TP73: variants seen among roughly 807,000 people sequenced by gnomAD.
TP73 encodes tumor protein p73, also known as p53-like transcription factor.
Under a neutral mutation model 62.5 loss-of-function variants are expected in TP73, and 25 were observed. That is an observed-to-expected ratio of 0.40 (90% CI 0.29 to 0.56). TP73 has a LOEUF of 0.56. TP73 is among the 20% of genes least tolerant of loss of function. TP73 has a pLI of 0.46. For missense variants in TP73, 754 were observed against 913.3 expected (o/e 0.83, Z 2.25); for synonymous variants, 423 against 377.5 (o/e 1.12, Z -1.40).
intron 1 of TP73, among the ~76,000 whole-genome samples, chr1:3,664,300 C>A (rs202128256): frequency 6.6e-6 from 1 of 152,194 alleles, no homozygotes; most frequent in African/African-American, 2.4e-5. Flanking sequence ...TGCCCAGTAC[C>A]AGCTGGCAGG....
chr1:3,653,842 T>C (rs910762262), intron 1 of TP73, among the ~76,000 whole-genome samples: 3 of 152,228 alleles, frequency 2.0e-5, no homozygotes, highest in Non-Finnish European at 2.9e-5. Flanking sequence ...TTGCCATATA[T>C]GAATGTATGC....
Position 3,707,685 on chromosome 1 carries a change from C to T in TP73, c.323C>T (p.Thr108Ile). ...PYAQPSSTFD[T>I]MSPAPVIPSN... ...GCACAACCCAGCTCCACCTTCGACA[C>T]CATGTCGCCGGCGCCTGTCATCCCC... Residue 108 changes from threonine to isoleucine, a missense_variant, in exon 4 of 14, where the codon ACC becomes ATC. Thr to Ile is a moderately conservative substitution (Grantham distance 89). Coordinates refer to ENST00000378295, the MANE Select transcript of TP73 (RefSeq NM_005427.4). 6.2e-7 allele frequency: 1 copy of T among 1,613,268 alleles called. No homozygotes were observed. The highest frequency in any genetic ancestry group is 8.5e-7 in the Non-Finnish European group (1 of 1,179,962).
intron 1 of TP73, among the ~76,000 whole-genome samples, chr1:3,678,805 T>C (rs1017172292): frequency 1.9e-4 from 29 of 152,238 alleles, no homozygotes; most frequent in African/African-American, 6.3e-4. Flanking sequence ...AGCCCCACTG[T>C]GGGGAGGGGT....
At chr1:3,703,363 G>GC (rs1639372342) in intron 3 of TP73, among the ~76,000 whole-genome samples, 1 of 152,144 alleles carries the variant, frequency 6.6e-6, no homozygotes, top group Non-Finnish European at 1.5e-5. Flanking sequence ...AGAGGGAGAG[G>GC]CCGACATCGG....
rs562608385 is a variant in TP73, at chr1:3,666,875, C to CA, written c.-34+14242dup. ...TTCAATGAGGGACATTTATGGTTGG[C>CA]AAAAAAAAGTGGCTCCCCAAAGGTC... On this transcript the variant is annotated intron_variant, in intron 1 of 13. Coordinates refer to ENST00000378295, the MANE Select transcript of TP73 (RefSeq NM_005427.4). This position sits in a 1 kb window ranked among gnomAD's most constrained non-coding sequence, Gnocchi z 6.4. 5.4e-4 allele frequency among the ~76,000 whole-genome samples: 82 copies of CA among 151,826 alleles called. No homozygotes were observed. The highest frequency in any genetic ancestry group is 9.7e-4 in the Non-Finnish European group (66 of 67,886).
At position 3,733,187 on chromosome 1, in the gene TP73, G is replaced by A; in HGVS notation, c.*108G>A. ...TCAGGAGGCAGGACCTTCGGGCTGT[G>A]CCCGGGGAAAGGCAAGGTCCGGCCC... is the stretch of plus-strand genomic sequence containing the variant. On this transcript the variant is annotated 3_prime_UTR_variant, in exon 14 of 14. Transcript: ENST00000378295. 7.6e-7 allele frequency: 1 copy of A among 1,318,606 alleles called. No individual in the cohort carries two copies. Among genetic ancestry groups the A allele is most frequent in the East Asian group, 2.5e-5 (1 of 39,336 alleles). 81.7% of individuals were successfully genotyped at this position (1,318,606 alleles called of 1,614,324 possible).
chr1:3,671,810 G>T (rs919934889), intron 1 of TP73, among the ~76,000 whole-genome samples: 2 of 152,204 alleles, frequency 1.3e-5, no homozygotes, highest in African/African-American at 4.8e-5. Context: ...CCACTCTGAG[G>T]AACAGCAGTG....
intron 1 of TP73, among the ~76,000 whole-genome samples, chr1:3,671,530 G>A (rs934276617): frequency 5.3e-5 from 8 of 152,222 alleles, no homozygotes; most frequent in African/African-American, 1.7e-4. Flanking sequence ...AGGCTGGATC[G>A]TTGTCTGCCC....
intron 4 of TP73, among the ~76,000 whole-genome samples, chr1:3,710,188 G>T (rs1640011228): frequency 6.9e-6 from 1 of 144,008 alleles, no homozygotes; most frequent in South Asian, 2.4e-4. Flanking sequence ...TGGGCTCTGT[G>T]GATGCTGGGG....
rs1231153761 is a variant in TP73, at chr1:3,701,372, C to T, written c.187-6177C>T. On this transcript the variant is annotated intron_variant, in intron 3 of 13. Transcript: ENST00000378295. This position sits in a 1 kb window ranked among gnomAD's most constrained non-coding sequence, Gnocchi z 4.7. ...GTGCCAAGGCGTGGAGGTCATGCCTCGTGCATGGGAGCTTCCTGGACATTG... is the reference window on the plus strand; with the variant it reads ...GTGCCAAGGCGTGGAGGTCATGCCTTGTGCATGGGAGCTTCCTGGACATTG... 6.6e-6 allele frequency among the ~76,000 whole-genome samples: 1 copy of T among 152,184 alleles called. No homozygotes were observed. The highest frequency in any genetic ancestry group is 1.5e-5 in the Non-Finnish European group (1 of 68,032).
At chr1:3,674,188 G>T (rs530525763) in intron 1 of TP73, among the ~76,000 whole-genome samples, 193 of 152,308 alleles carry the variant, frequency 1.3e-3, no homozygotes, top group Non-Finnish European at 2.2e-3. Flanking sequence ...ACGGGGGGTC[G>T]GGCATTTTGG....
In TP73 at chr1:3,729,462, A is replaced by C; in HGVS notation, c.1196+14A>C. 2 of 1,612,506 alleles carry C rather than the reference A, an allele frequency of 1.2e-6. No individual in the cohort carries two copies. Among genetic ancestry groups the C allele is most frequent in the Non-Finnish European group, 1.7e-6 (2 of 1,179,940 alleles). On this transcript the variant is annotated intron_variant, in intron 10 of 13. Transcript: ENST00000378295. ...CCTACAGAGGCCGTGAGTCAGCCCT[A>C]GCCCACCATCAGTGTGGGGAAGGAG... is the stretch of plus-strand genomic sequence containing the variant.
chr1:3,679,632 CTCTCTG>C (rs1375188948), intron 1 of TP73, among the ~76,000 whole-genome samples: 3 of 150,778 alleles, frequency 2.0e-5, no homozygotes, highest in Non-Finnish European at 1.5e-5. Flanking sequence ...TTGTCCCTGT[CTCTCTG>C]TCTCTGTCTC....
intron 1 of TP73, among the ~76,000 whole-genome samples, chr1:3,657,887 C>T (rs1644899603): frequency 1.4e-5 from 2 of 145,848 alleles, no homozygotes; most frequent in African/African-American, 5.3e-5. Flanking sequence ...GGCCGCATAG[C>T]CCCCAGTTAG....
At position 3,718,647 on chromosome 1, in the gene TP73, G is replaced by A. The variant is rs539377205; in HGVS notation, c.430-3374G>A. 2.0e-5 allele frequency among the ~76,000 whole-genome samples: 3 copies of A among 152,288 alleles called. No homozygotes were observed. In the East Asian group the frequency reaches 5.8e-4, roughly 29 times the overall value. ...GGGCTGTCAGGGAGCGACGGCTGCCGGGGCCTCTGCCCGCAGGCTTGGTTG... is the reference window on the plus strand; with the variant it reads ...GGGCTGTCAGGGAGCGACGGCTGCCAGGGCCTCTGCCCGCAGGCTTGGTTG... On this transcript the variant is annotated intron_variant, in intron 4 of 13. Transcript: ENST00000378295.
chr1:3,732,722 C>A (rs1363131736), intron 13 of TP73, 25 bp from the exon 14 acceptor site: 2 of 1,546,368 alleles, frequency 1.3e-6, no homozygotes, highest in Admixed American at 1.9e-5. Flanking sequence ...CTGCCCCCTG[C>A]CCCTAATGCG....
chr1:3,712,494 GC>G (rs1394443802), intron 4 of TP73: 1 of 152,244 alleles, frequency 6.6e-6, no homozygotes, highest in Non-Finnish European at 1.5e-5. Flanking sequence ...GGAGGCCCCA[GC>G]TCTGAGACCC....
intron 5 of TP73, 28 bp downstream of exon 5, chr1:3,722,235 G>A (rs535459375): frequency 1.4e-5 from 22 of 1,610,826 alleles, no homozygotes; most frequent in African/African-American, 4.0e-5. Flanking sequence ...CTCTGCCCAC[G>A]GTGGCACTTT....
chr1:3,728,171 G>C lies in TP73; in HGVS notation c.1028G>C (p.Gly343Ala), dbSNP rs1474408603. 1 of 1,611,982 alleles carries C rather than the reference G, an allele frequency of 6.2e-7. No homozygotes were observed. Among genetic ancestry groups the C allele is most frequent in the South Asian group, 1.1e-5 (1 of 91,084 alleles). ...SPPAVPALGAGVKKRRHGDED... is the reference protein window; with the variant it reads ...SPPAVPALGAAVKKRRHGDED... ...CCTGCCGTCCCCGCCCTTGGTGCCGGTGTGAAGAAGCGGCGGCATGGAGAC... is the reference window on the plus strand; with the variant it reads ...CCTGCCGTCCCCGCCCTTGGTGCCGCTGTGAAGAAGCGGCGGCATGGAGAC... Residue 343 changes from glycine to alanine, a missense_variant, in exon 9 of 14, where the codon GGT becomes GCT. By Grantham distance (60) the Gly-to-Ala change is moderately conservative. Around this residue, in one of 3 missense-constraint regions of TP73, gnomAD observed 458 missense variants for 528.7 expected, o/e 0.87. Coordinates refer to ENST00000378295, the MANE Select transcript of TP73 (RefSeq NM_005427.4).
Sources: gnomAD v4.1 joint callset for allele counts (sites outside exome capture counted in the v4.1 genomes callset) on GRCh38, gnomAD v4.1.1 for gene constraint, gnomAD v4.1.1 regional missense constraint, Gnocchi (gnomAD v3.1) non-coding constraint, MANE v1.5 for transcripts, NCBI Gene and HGNC (gene_info 2026-07-23, HGNC 2026-07-21) for gene names.